HMCN2: variants seen among roughly 807,000 people sequenced by gnomAD.
HMCN2 encodes the protein hemicentin-2.
Under a neutral mutation model 377.5 loss-of-function variants are expected in HMCN2, and 325 were observed. The observed-to-expected ratio is 0.86, with a 90% CI of 0.79 to 0.94. The LOEUF is 0.94. Among genes scored for constraint, HMCN2 ranks in the 40% least tolerant of loss-of-function variants. HMCN2 has a pLI of 0.00. For synonymous variants in HMCN2, 2,007 were observed against 2,046.8 expected (o/e 0.98, Z 0.53); for missense variants, 4,543 against 4,725.3 (o/e 0.96, Z 1.13).
intron 33 of HMCN2, 76 bp from the exon 34 acceptor site, chr9:130,356,012 A>C: frequency 9.7e-7 from 1 of 1,032,382 alleles, no homozygotes; most frequent in Non-Finnish European, 1.3e-6. Flanking sequence ...AGGAACTTCT[A>C]GGTTTCCTGC....
rs1478846537 is a variant in HMCN2 at position 130,396,224 on chromosome 9, A to G, written c.11109A>G (p.Thr3703=). 1 of 1,286,634 alleles carries G rather than the reference A, an allele frequency of 7.8e-7. No homozygotes were observed. Among genetic ancestry groups the G allele is most frequent in the Non-Finnish European group, 1.0e-6 (1 of 986,204 alleles). 79.7% of individuals were successfully genotyped at this position (1,286,634 alleles called of 1,614,324 possible). The change falls in exon 73 of 98, where the codon ACA becomes ACG. Residue 3703 remains threonine (T), a synonymous_variant. Transcript: ENST00000683500. ...PPAVNVSVNQ[T]ALLPCQADGV... Reference sequence around the variant, plus strand: ...CAGTGAACGTCTCAGTGAACCAGACAGCCCTGCTGCCTTGCCAGGCCGACG... The same window carrying G: ...CAGTGAACGTCTCAGTGAACCAGACGGCCCTGCTGCCTTGCCAGGCCGACG...
At chr9:130,335,710 T>C (rs1838708761) in intron 22 of HMCN2, among the ~76,000 whole-genome samples, 1 of 151,874 alleles carries the variant, frequency 6.6e-6, no homozygotes, top group African/African-American at 2.4e-5. Flanking sequence ...CTCAGGGAGA[T>C]GGCGTCCTTG....
intron 85 of HMCN2, among the ~76,000 whole-genome samples, chr9:130,413,696 AC>A (rs1204569497): frequency 6.6e-6 from 1 of 152,168 alleles, no homozygotes; most frequent in African/African-American, 2.4e-5. Context: ...TGAGAAGCCA[AC>A]AACCTGGAAC....
At chr9:130,287,875 TC>T (rs1429310639) in intron 4 of HMCN2, among the ~76,000 whole-genome samples, 1 of 152,228 alleles carries the variant, frequency 6.6e-6, no homozygotes, top group African/African-American at 2.4e-5. Flanking sequence ...CTTTGTTGCC[TC>T]TGGGAGAGGG....
At chr9:130,397,092 C>T (rs764298583) in intron 73 of HMCN2, among the ~76,000 whole-genome samples, 2 of 152,188 alleles carry the variant, frequency 1.3e-5, no homozygotes, top group Non-Finnish European at 2.9e-5. Context: ...TAAAGACATA[C>T]CTGAGACTGG....
At position 130,376,532 on chromosome 9, in the gene HMCN2, C is replaced by T. The variant is rs1261387132; in HGVS notation, c.7935C>T (p.Ser2645=). ...GCTTTTCAGTCCCCCCTTCCATCTC[C>T]AAAGACGACCCCTTGGCGGAGGTCG... The part of the protein sequence containing the change: ...HVEVLIPPSI[S]KDDPLAEVGV... Residue 2645 remains serine (S), a synonymous_variant, in exon 52 of 98, where the codon TCC becomes TCT. Transcript: ENST00000683500. 11 of 985,894 alleles carry T rather than the reference C, an allele frequency of 1.1e-5. No individual in the cohort carries two copies. Among genetic ancestry groups the T allele is most frequent in the Non-Finnish European group, 1.3e-5 (11 of 830,008 alleles). 61.1% of individuals were successfully genotyped at this position (985,894 alleles called of 1,614,324 possible).
At chr9:130,318,934 G>T (rs1313369209) in intron 15 of HMCN2, among the ~76,000 whole-genome samples, 2 of 152,334 alleles carry the variant, frequency 1.3e-5, no homozygotes, top group South Asian at 4.1e-4. Flanking sequence ...GGCAATAGAA[G>T]GGGCTGTGGA....
chr9:130,385,604 G>A lies in HMCN2; in HGVS notation c.9151G>A (p.Val3051Ile), dbSNP rs1019381952. 6 of 1,304,086 alleles carry A rather than the reference G, an allele frequency of 4.6e-6. No homozygotes were observed. The African/African-American group carries it at 7.6e-5, about 17-fold the overall frequency. 80.8% of individuals were successfully genotyped at this position (1,304,086 alleles called of 1,614,324 possible). A position where few individuals can be genotyped will look rare whatever the true frequency, so the allele number is the denominator to read the frequency against. The change falls in exon 60 of 98, where the codon GTC becomes ATC. Residue 3051 changes from valine to isoleucine, a missense_variant. This residue lies in a region of HMCN2 where 736 missense variants were observed against 773.2 expected (regional missense o/e 0.95). Transcript: ENST00000683500. Reference sequence around the variant, plus strand: ...GGCTCCCAGAGGTCCCCAGGATGCGGTCCTGGTGAGGGTCGGGGACAAAGC... The same window carrying A: ...GGCTCCCAGAGGTCCCCAGGATGCGATCCTGGTGAGGGTCGGGGACAAAGC... ...RQAPRGPQDAVLVRVGDKAVL... is the reference protein window; with the variant it reads ...RQAPRGPQDAILVRVGDKAVL...
rs1389949234 is a variant in HMCN2, at chr9:130,369,002, G to T, written c.6787+565G>T. ...GCTTCTCACTAACCCAAGCATTGGG[G>T]GTGGGGGCAGCAGCACAGTCCCTAA... is the stretch of plus-strand genomic sequence containing the variant. On this transcript the variant is annotated intron_variant, in intron 44 of 97. Coordinates refer to ENST00000683500, the MANE Select transcript of HMCN2 (RefSeq NM_001291815.2). The surrounding 1 kb of genome is among the most constrained non-coding windows in gnomAD (Gnocchi z 4.5). Among the ~76,000 whole-genome samples, 1 of 152,138 alleles carries T rather than the reference G, an allele frequency of 6.6e-6. No individual in the cohort carries two copies. The highest frequency in any genetic ancestry group is 2.4e-5 in the African/African-American group (1 of 41,418).
Position 130,303,388 on chromosome 9 carries a change from G to T in HMCN2, c.1422-99G>T. 1 of 328,424 alleles carries T rather than the reference G, an allele frequency of 3.0e-6. No homozygotes were observed. The highest frequency in any genetic ancestry group is 2.3e-5 in the South Asian group (1 of 43,140). 20.3% of individuals were successfully genotyped at this position (328,424 alleles called of 1,614,324 possible). ...CTTACCGCATCTCACAGAGGAATTGGGGTCTCTCGTTTGGGCAGGATTCAG... is the reference window on the plus strand; with the variant it reads ...CTTACCGCATCTCACAGAGGAATTGTGGTCTCTCGTTTGGGCAGGATTCAG... On this transcript the variant is annotated intron_variant, in intron 9 of 97. Coordinates refer to ENST00000683500, the MANE Select transcript of HMCN2 (RefSeq NM_001291815.2). The surrounding 1 kb of genome is among the most constrained non-coding windows in gnomAD (Gnocchi z 5.2).
At chr9:130,316,517 C>T (rs1837569403) in intron 15 of HMCN2, among the ~76,000 whole-genome samples, 1 of 152,146 alleles carries the variant, frequency 6.6e-6, no homozygotes, top group African/African-American at 2.4e-5. Context: ...GCCCCTTTCA[C>T]CAGGCACATT....
intron 24 of HMCN2, 56 bp downstream of exon 24, chr9:130,341,421 G>C (rs938788481): frequency 2.6e-5 from 4 of 152,332 alleles, no homozygotes; most frequent in Non-Finnish European, 5.9e-5. Flanking sequence ...GCCACAGCCT[G>C]GATTTGGGAG....
chr9:130,350,388 C>CAAAAAAAAAA (rs1187309511), intron 29 of HMCN2, among the ~76,000 whole-genome samples: 7 of 89,650 alleles, frequency 7.8e-5, no homozygotes, highest in African/African-American at 9.1e-5. Context: ...CAAAAAAATA[C>CAAAAAAAAAA]AAAAAAAAAA....
At chr9:130,403,473 A>C (rs1396762019) in intron 79 of HMCN2, 145 bp downstream of exon 79, 11 of 952,382 alleles carry the variant, frequency 1.2e-5, no homozygotes, top group Non-Finnish European at 1.5e-5. Context: ...ATACGCCCCC[A>C]CCCTTGCTCT....
intron 15 of HMCN2, among the ~76,000 whole-genome samples, chr9:130,316,264 G>T (rs1445876857): frequency 1.3e-5 from 2 of 152,100 alleles, no homozygotes; most frequent in Non-Finnish European, 2.9e-5. Context: ...GTGCTGAGCC[G>T]GGAGGCACTG....
chr9:130,339,274 G>A (rs1362755647), intron 23 of HMCN2, among the ~76,000 whole-genome samples: 1 of 152,220 alleles, frequency 6.6e-6, no homozygotes, highest in African/African-American at 2.4e-5. Flanking sequence ...GCTGCCTGTG[G>A]CTGCTTTACC....
At chr9:130,383,023 G>A (rs557984739) in intron 56 of HMCN2, among the ~76,000 whole-genome samples, 157 bp downstream of exon 56, 1 of 152,190 alleles carries the variant, frequency 6.6e-6, no homozygotes, top group South Asian at 2.1e-4. Flanking sequence ...AGGCATGCTG[G>A]GCCAGCACAG....
chr9:130,298,641 G>T (rs1836300497), intron 7 of HMCN2, among the ~76,000 whole-genome samples: 2 of 152,196 alleles, frequency 1.3e-5, no homozygotes, highest in South Asian at 4.1e-4. Flanking sequence ...CTGGTCAGAA[G>T]TTGGAGTCCC....
chr9:130,357,748 C>A, intron 34 of HMCN2, 86 bp from the exon 35 acceptor site: 2 of 1,074,776 alleles, frequency 1.9e-6, no homozygotes, highest in Non-Finnish European at 2.5e-6. Context: ...CACCTTCTCA[C>A]CCCCAGGCAT....
Sources: gnomAD v4.1 joint callset for allele counts (sites outside exome capture counted in the v4.1 genomes callset) on GRCh38, gnomAD v4.1.1 for gene constraint, gnomAD v4.1.1 regional missense constraint, Gnocchi (gnomAD v3.1) non-coding constraint, MANE v1.5 for transcripts, NCBI Gene and HGNC (gene_info 2026-07-23, HGNC 2026-07-21) for gene names.